Variants in PCDHA1 observed in about 807,000 individuals in gnomAD.
PCDHA1 encodes protocadherin alpha-1.
Under a neutral mutation model 61.3 loss-of-function variants are expected in PCDHA1, and 42 were observed. The observed-to-expected ratio is 0.69, with a 90% CI of 0.54 to 0.89. The LOEUF is 0.89. PCDHA1 is among the 40% of genes least tolerant of loss of function. The pLI is 0.00. For synonymous variants in PCDHA1, 610 were observed against 553.8 expected, an observed-to-expected ratio of 1.10 and a Z score of -1.43; for missense variants, 1,256 against 1,235.3, an observed-to-expected ratio of 1.02 and a Z score of -0.25.
At chr5:140,924,064 G>T (rs1584331926) in intron 1 of PCDHA1, among the ~76,000 whole-genome samples, 1 of 152,172 alleles carries the variant, frequency 6.6e-6, no homozygotes. Context: ...CTTTACAGTT[G>T]TATTTCATCT....
intron 1 of PCDHA1, chr5:140,882,524 G>C (rs1340644606): frequency 9.9e-6 from 16 of 1,614,090 alleles, no homozygotes; most frequent in African/African-American, 2.7e-5. Context: ...CATTTTGTTT[G>C]TGAATTCTCG....
chr5:140,920,766 C>T (rs370765138), intron 1 of PCDHA1, among the ~76,000 whole-genome samples: 66 of 151,878 alleles, frequency 4.3e-4, no homozygotes, highest in African/African-American at 1.6e-3. Context: ...ATTGCTTACA[C>T]CTGGGAGGTG....
chr5:140,807,579 C>G (rs1355762346), intron 1 of PCDHA1: 8 of 1,614,162 alleles, frequency 5.0e-6, no homozygotes, highest in South Asian at 4.4e-5. Flanking sequence ...GATAACCCGC[C>G]GGTGTTCCCA....
chr5:140,797,483 T>C (rs554270263), intron 1 of PCDHA1: 1 of 1,031,974 alleles, frequency 9.7e-7, no homozygotes, highest in South Asian at 1.6e-5. Context: ...ATTTTGAATA[T>C]GAATTAGAGA....
intron 1 of PCDHA1, among the ~76,000 whole-genome samples, chr5:140,909,000 G>C (rs569548757): frequency 9.8e-5 from 15 of 152,296 alleles, no homozygotes; most frequent in Non-Finnish European, 1.8e-4. Flanking sequence ...AAATTTTACT[G>C]AGGTAGAAGG....
At chr5:140,843,385 T>A in intron 1 of PCDHA1, 1 of 1,595,902 alleles carries the variant, frequency 6.3e-7, no homozygotes, top group South Asian at 1.1e-5. Flanking sequence ...GCGTTTTGGG[T>A]CCGGAAGCGG....
At chr5:141,005,304 A>G (rs2098205361) in intron 3 of PCDHA1, among the ~76,000 whole-genome samples, 1 of 152,200 alleles carries the variant, frequency 6.6e-6, no homozygotes, top group Non-Finnish European at 1.5e-5. Context: ...GCCTTTGTGA[A>G]TCTTACAGTG....
In PCDHA1 at chr5:140,848,334, A is replaced by G. The variant is rs2150408949; in HGVS notation, c.2394+59650A>G. ...TTGCCGCGATGTTCTCTCTGAATCC[A>G]GACAAATACAGCCCTTTTCCCATGG... On this transcript the variant is annotated intron_variant, in intron 1 of 3. Transcript: ENST00000504120. 43 of 850,658 alleles carry G rather than the reference A, an allele frequency of 5.1e-5. 3 individuals are homozygous for G. Among genetic ancestry groups the G allele is most frequent in the Non-Finnish European group, 7.6e-5 (41 of 539,362 alleles). 52.7% of individuals were successfully genotyped at this position (850,658 alleles called of 1,614,324 possible). A position where few individuals can be genotyped will look rare whatever the true frequency, so the allele number is the denominator to read the frequency against.
intron 1 of PCDHA1, among the ~76,000 whole-genome samples, chr5:140,917,334 G>A (rs1466426021): frequency 1.4e-5 from 2 of 147,744 alleles, no homozygotes; most frequent in Admixed American, 1.4e-4. Flanking sequence ...CGGGGGAGGG[G>A]GGGGATGGTG....
intron 1 of PCDHA1, chr5:140,824,620 T>TG (rs1472794866): frequency 7.7e-6 from 1 of 130,228 alleles, no homozygotes; most frequent in African/African-American, 3.4e-5. Context: ...GTTTTTTTTT[T>TG]TTTTTTTTTT....
At chr5:140,861,527 G>A (rs1554154863) in intron 1 of PCDHA1, 2 of 454,914 alleles carry the variant, frequency 4.4e-6, no homozygotes. Flanking sequence ...GGAGGATCTC[G>A]GAGTGCAGCA....
intron 1 of PCDHA1, chr5:140,823,452 C>T (rs2150125920): frequency 1.2e-6 from 2 of 1,613,440 alleles, no homozygotes; most frequent in Middle Eastern, 1.7e-4. Context: ...ACGAGAACGA[C>T]AACGCGCCGG....
intron 1 of PCDHA1, among the ~76,000 whole-genome samples, chr5:140,903,535 G>A (rs1311718035): frequency 3.3e-5 from 5 of 152,178 alleles, no homozygotes; most frequent in African/African-American, 1.2e-4. Flanking sequence ...CTTTAAACTA[G>A]AGCAAGAAAC....
intron 1 of PCDHA1, chr5:140,858,035 A>T: frequency 6.3e-7 from 1 of 1,597,220 alleles, no homozygotes; most frequent in East Asian, 2.2e-5. Context: ...GGCCACGGCC[A>T]CTGTGCTTGT....
intron 3 of PCDHA1, among the ~76,000 whole-genome samples, chr5:141,005,617 G>C (rs1419951778): frequency 6.7e-6 from 1 of 149,280 alleles, no homozygotes; most frequent in Non-Finnish European, 1.5e-5. Context: ...CAGGAGAATG[G>C]CGTGAACCCG....
At position 140,983,424 on chromosome 5, in the gene PCDHA1, A is replaced by G. The variant is rs115903969; in HGVS notation, c.2542+861A>G. On this transcript the variant is annotated intron_variant, in intron 3 of 3. Transcript: ENST00000504120. ...GGAAGATTAAGTGTTGGTAGAGACC[A>G]CAAATTGTGTCTACTCTAATCCTCT... Among the ~76,000 whole-genome samples, 1,234 of 152,366 alleles carry G rather than the reference A, an allele frequency of 8.1e-3. 22 individuals are homozygous for G. Among genetic ancestry groups the G allele is most frequent in the African/African-American group, 0.028 (1,160 of 41,578 alleles).
intron 1 of PCDHA1, among the ~76,000 whole-genome samples, chr5:140,970,092 A>C (rs1554232243): frequency 6.6e-6 from 1 of 151,978 alleles, no homozygotes; most frequent in East Asian, 1.9e-4. Context: ...GTGTGGGGGG[A>C]TGGTGAAGAC....
At chr5:140,841,924 C>T (rs1199272696) in intron 1 of PCDHA1, 2 of 1,613,772 alleles carry the variant, frequency 1.2e-6, no homozygotes, top group African/African-American at 2.7e-5. Context: ...AATCCTTGGA[C>T]AGAGAGGACG....
At chr5:140,866,372 A>G (rs1260781135) in intron 1 of PCDHA1, 2 of 152,168 alleles carry the variant, frequency 1.3e-5, no homozygotes, top group Non-Finnish European at 2.9e-5. Flanking sequence ...GCATACTTCA[A>G]TAACAATTTT....
Sources: gnomAD v4.1 joint callset for allele counts (sites outside exome capture counted in the v4.1 genomes callset) on GRCh38, gnomAD v4.1.1 for gene constraint, MANE v1.5 for transcripts, NCBI Gene and HGNC (gene_info 2026-07-23, HGNC 2026-07-21) for gene names.